The following SPAG16 variants were observed in gnomAD, a reference collection of about 807,000 sequenced individuals.
SPAG16 encodes sperm-associated antigen 16 protein.
In SPAG16, 86 loss-of-function variants were observed where a neutral mutation model predicts 80.4. The ratio of observed to expected loss-of-function variants is 1.07; its 90% CI spans 0.90 to 1.28. The LOEUF is 1.28. Among genes scored for constraint, SPAG16 ranks in the 50% most tolerant of loss-of-function variants. The probability of loss-of-function intolerance (pLI) is 0.00; values close to 1 mark genes in which losing one functional copy is unlikely to be tolerated. For synonymous variants in SPAG16, 294 were observed against 265.9 expected (o/e 1.11, Z -1.03); for missense variants, 870 against 765.3 (o/e 1.14, Z -1.61).
intron 9 of SPAG16, among the ~76,000 whole-genome samples, chr2:213,423,715 T>C (rs562230118): frequency 2.6e-5 from 4 of 152,260 alleles, no homozygotes; most frequent in Admixed American, 1.3e-4. Flanking sequence ...TGAAATAAGA[T>C]ATGTTATTCT....
rs577821403 is a variant in SPAG16, at chr2:214,142,608, A to G, written c.1594-6532A>G. 1.2e-3 allele frequency among the ~76,000 whole-genome samples: 180 copies of G among 152,210 alleles called. 1 individual carries two copies. Among genetic ancestry groups the G allele is most frequent in the African/African-American group, 4.2e-3 (173 of 41,526 alleles). ...CCCTAGTTCCAGGGTGACCTAGGATAGGCTTTACGTTTAATGTAGATGAAA... is the reference window on the plus strand; with the variant it reads ...CCCTAGTTCCAGGGTGACCTAGGATGGGCTTTACGTTTAATGTAGATGAAA... On this transcript the variant is annotated intron_variant, in intron 14 of 15. Transcript: ENST00000331683.
chr2:213,852,461 C>T (rs1029037642), intron 10 of SPAG16, among the ~76,000 whole-genome samples: 22 of 152,288 alleles, frequency 1.4e-4, no homozygotes, highest in Admixed American at 8.5e-4. Context: ...GCCTTCCTCT[C>T]GCTCCCTATC....
intron 10 of SPAG16, among the ~76,000 whole-genome samples, chr2:213,833,202 G>C (rs1041545454): frequency 6.7e-6 from 1 of 149,416 alleles, no homozygotes; most frequent in African/African-American, 2.5e-5. Flanking sequence ...ATCCTTCCTC[G>C]CTTCAAATAC....
At chr2:213,829,072 A>G (rs2073467444) in intron 10 of SPAG16, among the ~76,000 whole-genome samples, 1 of 152,094 alleles carries the variant, frequency 6.6e-6, no homozygotes, top group Admixed American at 6.6e-5. Context: ...GGCTCTAACA[A>G]TCAGCAGATA....
chr2:213,290,238 AACTC>A (rs1484300126), intron 1 of SPAG16, among the ~76,000 whole-genome samples: 1 of 152,252 alleles, frequency 6.6e-6, no homozygotes, highest in African/African-American at 2.4e-5. Context: ...CATGCTATGA[AACTC>A]ACGAGTGCTA....
chr2:213,520,042 C>CGA (rs748201144), intron 10 of SPAG16, among the ~76,000 whole-genome samples: 2 of 149,298 alleles, frequency 1.3e-5, no homozygotes, highest in African/African-American at 2.5e-5. Context: ...CACACACACA[C>CGA]GAGAGAGAGA....
intron 15 of SPAG16, among the ~76,000 whole-genome samples, chr2:214,306,388 C>A (rs1232882053): frequency 2.0e-5 from 3 of 152,106 alleles, no homozygotes; most frequent in African/African-American, 7.2e-5. Flanking sequence ...CCCTGACTGC[C>A]CTGGCCAGAA....
intron 9 of SPAG16, among the ~76,000 whole-genome samples, chr2:213,485,889 G>A (rs900434386): frequency 4.6e-5 from 7 of 152,120 alleles, no homozygotes; most frequent in African/African-American, 9.7e-5. Context: ...TTGGCTTCCC[G>A]TGGGATGCCT....
intron 3 of SPAG16, among the ~76,000 whole-genome samples, chr2:213,306,308 A>T (rs374401175): frequency 3.2e-5 from 1 of 31,724 alleles, no homozygotes; most frequent in African/African-American, 1.1e-4. Flanking sequence ...GATCTATTGT[A>T]TTGTTTTGTT....
intron 15 of SPAG16, among the ~76,000 whole-genome samples, chr2:214,295,412 C>T (rs934734150): frequency 6.8e-6 from 1 of 147,924 alleles, no homozygotes; most frequent in African/African-American, 2.4e-5. Flanking sequence ...TTTAATCTTA[C>T]TCACAATAAA....
At chr2:213,927,604 T>G (rs893334866) in intron 11 of SPAG16, among the ~76,000 whole-genome samples, 2 of 152,218 alleles carry the variant, frequency 1.3e-5, no homozygotes, top group Admixed American at 6.5e-5. Flanking sequence ...TATTAAAAAC[T>G]TATGGGAATA....
chr2:214,397,772 G>A (rs1701482185), intron 15 of SPAG16, among the ~76,000 whole-genome samples: 1 of 152,208 alleles, frequency 6.6e-6, no homozygotes, highest in Non-Finnish European at 1.5e-5. Flanking sequence ...GGCCTACAAT[G>A]TGGCTTATTA....
chr2:213,964,387 T>C (rs1288579386), intron 12 of SPAG16, among the ~76,000 whole-genome samples: 1 of 152,182 alleles, frequency 6.6e-6, no homozygotes, highest in South Asian at 2.1e-4. Flanking sequence ...AAGAACACCT[T>C]TAGTATTCCT....
intron 5 of SPAG16, among the ~76,000 whole-genome samples, chr2:213,334,507 C>A (rs1326791531): frequency 6.6e-6 from 1 of 152,116 alleles, no homozygotes; most frequent in East Asian, 1.9e-4. Context: ...TCTGCACTCC[C>A]ATGTTTGTTG....
chr2:213,507,524 G>A (rs1207201209), intron 10 of SPAG16, among the ~76,000 whole-genome samples: 2 of 152,180 alleles, frequency 1.3e-5, no homozygotes, highest in Non-Finnish European at 2.9e-5. Flanking sequence ...CTGGAGCATG[G>A]TATGTCCTCA....
intron 4 of SPAG16, among the ~76,000 whole-genome samples, chr2:213,312,963 G>A (rs1055814875): frequency 6.6e-6 from 1 of 151,844 alleles, no homozygotes; most frequent in East Asian, 1.9e-4. Flanking sequence ...TATGTGTGGT[G>A]TTGTGTATAC....
intron 4 of SPAG16, among the ~76,000 whole-genome samples, chr2:213,311,315 C>T (rs140326739): frequency 7.8e-4 from 119 of 151,666 alleles, no homozygotes; most frequent in African/African-American, 2.7e-3. Context: ...GATTAATTTA[C>T]AGTGCTAATA....
intron 15 of SPAG16, among the ~76,000 whole-genome samples, chr2:214,293,865 C>G (rs1346962999): frequency 6.6e-6 from 1 of 151,968 alleles, no homozygotes; most frequent in African/African-American, 2.4e-5. Flanking sequence ...GGCCTACAAC[C>G]AGGGAAGGTG....
chr2:214,355,146 G>A (rs983725752), intron 15 of SPAG16, among the ~76,000 whole-genome samples: 1 of 150,576 alleles, frequency 6.6e-6, no homozygotes, highest in African/African-American at 2.4e-5. Context: ...AAAAGCAATG[G>A]CAACAAAAGC....
Sources: allele counts gnomAD v4.1 joint callset (sites outside exome capture counted in the v4.1 genomes callset), GRCh38; gene constraint gnomAD v4.1.1; transcripts MANE v1.5; gene names NCBI Gene and HGNC (gene_info 2026-07-23, HGNC 2026-07-21).